Variants in CACNG3 observed in about 807,000 individuals in gnomAD.
CACNG3 encodes voltage-dependent calcium channel gamma-3 subunit.
CACNG3 carries 3 observed loss-of-function variants against 28.5 expected under a neutral mutation model. The observed-to-expected ratio is 0.11, with a 90% CI of 0.05 to 0.27. CACNG3 has a LOEUF of 0.27. Among genes scored for constraint, CACNG3 ranks in the 10% least tolerant of loss-of-function variants. The pLI, the probability that CACNG3 is intolerant of heterozygous loss-of-function variation, is 1.00. For missense variants in CACNG3, 236 were observed against 414.4 expected (o/e 0.57, Z 3.74); for synonymous variants, 174 against 162.2 (o/e 1.07, Z -0.55).
intron 3 of CACNG3, among the ~76,000 whole-genome samples, chr16:24,357,124 C>A (rs754167287): frequency 6.0e-5 from 9 of 151,030 alleles, no homozygotes; most frequent in East Asian, 2.0e-4. Flanking sequence ...GTCACAGTTA[C>A]TTGGGAGGCT....
intron 1 of CACNG3, among the ~76,000 whole-genome samples, chr16:24,285,179 C>T (rs538740581): frequency 5.3e-5 from 8 of 152,252 alleles, no homozygotes; most frequent in Middle Eastern, 6.8e-3. Flanking sequence ...TGGTCTTGGA[C>T]GTGCAAAGCC....
At chr16:24,332,446 C>G (rs934595204) in intron 1 of CACNG3, among the ~76,000 whole-genome samples, 1 of 131,634 alleles carries the variant, frequency 7.6e-6, no homozygotes. Flanking sequence ...GCCTGGGCAA[C>G]AGAGCAAGAC....
chr16:24,312,186 T>G (rs1010118889), intron 1 of CACNG3, among the ~76,000 whole-genome samples: 2 of 152,218 alleles, frequency 1.3e-5, no homozygotes, highest in Non-Finnish European at 2.9e-5. Context: ...AACATGTATC[T>G]GAGGGAGAAC....
rs370607182 is a variant in CACNG3 at position 24,279,753 on chromosome 16, T to C, written c.211+22788T>C. Among the ~76,000 whole-genome samples the C allele has an allele frequency of 6.6e-5, 10 of 152,226 alleles. No individual in the cohort carries two copies. In the East Asian group the frequency reaches 1.9e-3, roughly 29 times the overall value. ...AACTTAATTTCCTGACTGTTGCATG[T>C]AAAGGTAAGAGAGAATGAGCTCAAG... On this transcript the variant is annotated intron_variant, in intron 1 of 3. Coordinates refer to ENST00000005284, the MANE Select transcript of CACNG3 (RefSeq NM_006539.4).
At chr16:24,270,056 G>A (rs764215904) in intron 1 of CACNG3, among the ~76,000 whole-genome samples, 3 of 152,072 alleles carry the variant, frequency 2.0e-5, no homozygotes, top group Non-Finnish European at 2.9e-5. Context: ...TATACATTTG[G>A]TCACCTGCAC....
intron 1 of CACNG3, among the ~76,000 whole-genome samples, chr16:24,280,555 C>T (rs1898811580): frequency 6.6e-6 from 1 of 152,090 alleles, no homozygotes. Flanking sequence ...GTGGCTCATG[C>T]CTGTAATCCC....
intron 1 of CACNG3, among the ~76,000 whole-genome samples, chr16:24,343,002 C>A (rs1296138666): frequency 6.6e-6 from 1 of 151,950 alleles, no homozygotes; most frequent in Non-Finnish European, 1.5e-5. Flanking sequence ...CCAGCCTGGA[C>A]AATATGGCAA....
intron 1 of CACNG3, among the ~76,000 whole-genome samples, chr16:24,269,006 G>C (rs1898650596): frequency 6.6e-6 from 1 of 152,152 alleles, no homozygotes; most frequent in South Asian, 2.1e-4. Flanking sequence ...GTCTTTGAAA[G>C]GCACCAGACT....
chr16:24,300,388 T>C (rs1337107080), intron 1 of CACNG3, among the ~76,000 whole-genome samples: 9 of 151,862 alleles, frequency 5.9e-5, no homozygotes, highest in Admixed American at 1.3e-4. Flanking sequence ...AAACTGGAAA[T>C]TGCATGGTCT....
intron 1 of CACNG3, among the ~76,000 whole-genome samples, chr16:24,292,105 C>A (rs541956618): frequency 1.3e-5 from 2 of 151,986 alleles, no homozygotes; most frequent in African/African-American, 4.8e-5. Flanking sequence ...AGCGGATAAC[C>A]GGGCAGGCGG....
intron 1 of CACNG3, among the ~76,000 whole-genome samples, chr16:24,259,462 C>T (rs1439347102): frequency 6.6e-6 from 1 of 152,192 alleles, no homozygotes; most frequent in African/African-American, 2.4e-5. Context: ...CTTACCTACA[C>T]CTGAGCCTCA....
intron 1 of CACNG3, among the ~76,000 whole-genome samples, chr16:24,299,143 G>T (rs1190606447): frequency 2.0e-5 from 3 of 152,066 alleles, no homozygotes; most frequent in African/African-American, 7.2e-5. Flanking sequence ...TCCTTGAGGG[G>T]GCTGTGTTTA....
chr16:24,361,209 A>G lies in CACNG3; in HGVS notation c.437-143A>G, dbSNP rs892358316. The G allele has an allele frequency of 4.6e-6, 3 of 654,688 alleles. No individual in the cohort carries two copies. The highest frequency in any genetic ancestry group is 3.0e-4 in the Middle Eastern group (1 of 3,372). 40.6% of individuals were successfully genotyped at this position (654,688 alleles called of 1,614,324 possible). On this transcript the variant is annotated intron_variant, in intron 3 of 3. Transcript: ENST00000005284. This position sits in a 1 kb window ranked among gnomAD's most constrained non-coding sequence, Gnocchi z 6.8. ...CTAAGTGACAGACCATGCAAGAAGA[A>G]CTAGGTGGTTGGATTTCCCAGCTAT...
chr16:24,301,307 T>C (rs1256824541), intron 1 of CACNG3, among the ~76,000 whole-genome samples: 1 of 151,908 alleles, frequency 6.6e-6, no homozygotes, highest in African/African-American at 2.4e-5. Flanking sequence ...ATGGGTAACA[T>C]TGGGTCATTT....
chr16:24,336,818 T>TG (rs1899717657), intron 1 of CACNG3, among the ~76,000 whole-genome samples: 2 of 151,778 alleles, frequency 1.3e-5, no homozygotes, highest in Admixed American at 6.6e-5. Flanking sequence ...TTGTTGTTGT[T>TG]TTGTTTTGTT....
At chr16:24,283,912 A>G (rs1306829699) in intron 1 of CACNG3, among the ~76,000 whole-genome samples, 1 of 152,154 alleles carries the variant, frequency 6.6e-6, no homozygotes, top group Non-Finnish European at 1.5e-5. Flanking sequence ...TTATTGGTTT[A>G]GATAGGTTTT....
chr16:24,350,708 G>A (rs1437658579), intron 2 of CACNG3, among the ~76,000 whole-genome samples: 2 of 152,098 alleles, frequency 1.3e-5, no homozygotes, highest in Non-Finnish European at 2.9e-5. Context: ...TTTTTAAAAG[G>A]TATTCACTTT....
intron 1 of CACNG3, among the ~76,000 whole-genome samples, chr16:24,307,185 G>A (rs868020994): frequency 3.9e-5 from 6 of 152,136 alleles, no homozygotes; most frequent in East Asian, 1.9e-4. Context: ...GCAGTGGCGC[G>A]ATCTCAGCTC....
intron 1 of CACNG3, among the ~76,000 whole-genome samples, chr16:24,280,642 C>T (rs893084799): frequency 4.0e-5 from 6 of 151,520 alleles, no homozygotes; most frequent in Non-Finnish European, 8.8e-5. Flanking sequence ...ATGGTGAAAC[C>T]CTGTCTCTAC....
Sources: allele counts gnomAD v4.1 joint callset (sites outside exome capture counted in the v4.1 genomes callset), GRCh38; gene constraint gnomAD v4.1.1; non-coding constraint Gnocchi (gnomAD v3.1); transcripts MANE v1.5; gene names NCBI Gene and HGNC (gene_info 2026-07-23, HGNC 2026-07-21).